Variants in TGFBR3 observed in about 807,000 individuals in gnomAD.
The protein encoded by TGFBR3 is transforming growth factor beta receptor type 3.
In TGFBR3, 46 loss-of-function variants were observed where a neutral mutation model predicts 87.9. The ratio of observed to expected loss-of-function variants is 0.52; its 90% CI spans 0.41 to 0.67. The LOEUF is 0.67. Among genes scored for constraint, TGFBR3 ranks in the 30% least tolerant of loss-of-function variants. The pLI is 0.00. For synonymous variants in TGFBR3, 381 were observed against 391.6 expected (o/e 0.97, Z 0.32); for missense variants, 866 against 1,041.9 (o/e 0.83, Z 2.32).
intron 2 of TGFBR3, among the ~76,000 whole-genome samples, chr1:91,838,009 G>A (rs1052614915): frequency 6.6e-6 from 1 of 152,098 alleles, no homozygotes; most frequent in Non-Finnish European, 1.5e-5. Flanking sequence ...TGTAGTTTGG[G>A]GTTTAAAGAA....
intron 4 of TGFBR3, among the ~76,000 whole-genome samples, chr1:91,747,574 A>T (rs1189484828): frequency 6.6e-6 from 1 of 152,234 alleles, no homozygotes; most frequent in Non-Finnish European, 1.5e-5. Flanking sequence ...AAACAACAAC[A>T]AATTGCTCAA....
At chr1:91,775,476 A>G (rs284202) in intron 3 of TGFBR3, among the ~76,000 whole-genome samples, 66,156 of 152,060 alleles carry the variant, frequency 0.44, 15,802 homozygotes, top group African/African-American at 0.64. Context: ...CCTTTTCACC[A>G]TTCAGGTCTC....
At chr1:91,803,022 A>G (rs1285481802) in intron 2 of TGFBR3, among the ~76,000 whole-genome samples, 4 of 152,206 alleles carry the variant, frequency 2.6e-5, no homozygotes, top group Non-Finnish European at 5.9e-5. Context: ...TCTATAGAGC[A>G]GCCAAACTGA....
intron 3 of TGFBR3, among the ~76,000 whole-genome samples, chr1:91,761,173 T>C (rs1184325161): frequency 6.6e-6 from 1 of 152,230 alleles, no homozygotes; most frequent in Non-Finnish European, 1.5e-5. Flanking sequence ...AAATATATAC[T>C]ACAAAATACT....
At chr1:91,801,715 G>A (rs10874976) in intron 2 of TGFBR3, among the ~76,000 whole-genome samples, 42,260 of 151,926 alleles carry the variant, frequency 0.28, 6,686 homozygotes, top group African/African-American at 0.44. Flanking sequence ...AAGAAAAGTT[G>A]GGAGAGGGAG....
intron 14 of TGFBR3, among the ~76,000 whole-genome samples, chr1:91,702,387 C>G (rs1007198828): frequency 1.3e-5 from 2 of 152,164 alleles, no homozygotes; most frequent in Admixed American, 6.5e-5. Flanking sequence ...TGGCTCACAC[C>G]TGTAATCCCA....
At chr1:91,805,775 T>C (rs968634316) in intron 2 of TGFBR3, among the ~76,000 whole-genome samples, 10 of 152,246 alleles carry the variant, frequency 6.6e-5, no homozygotes, top group Non-Finnish European at 1.5e-4. Flanking sequence ...ATCTTGTACA[T>C]GTTTCTGATT....
chr1:91,786,481 T>A (rs954627408), intron 3 of TGFBR3, among the ~76,000 whole-genome samples: 30 of 152,302 alleles, frequency 2.0e-4, no homozygotes, highest in African/African-American at 7.2e-4. Flanking sequence ...CCAGGTGTGG[T>A]GGCTCACACC....
At chr1:91,816,178 T>C (rs1267183931) in intron 2 of TGFBR3, among the ~76,000 whole-genome samples, 3 of 151,618 alleles carry the variant, frequency 2.0e-5, no homozygotes, top group East Asian at 1.9e-4. Context: ...GAGGAAAAAA[T>C]AGATCAACAA....
In TGFBR3 at chr1:91,735,139, A is replaced by C. The variant is rs375764773; in HGVS notation, c.385-180T>G. ...ATAATCCCAAGCCTAGTCCTCCCAG[A>C]CAAAGGCAAAACTACCAATGCAGGA... On this transcript the variant is annotated intron_variant, in intron 4 of 16. Transcript: ENST00000212355. Among the ~76,000 whole-genome samples, 10 of 152,358 alleles carry C rather than the reference A, an allele frequency of 6.6e-5. No homozygotes were observed. The East Asian group carries it at 1.5e-3, about 23-fold the overall frequency.
At chr1:91,889,433 G>C (rs1679400656), upstream of TGFBR3, among the ~76,000 whole-genome samples, 1 of 151,926 alleles carries the variant, frequency 6.6e-6, no homozygotes, top group Admixed American at 6.6e-5. Flanking sequence ...AAATAAAAGG[G>C]CTCTTTTTTT....
chr1:91,860,035 T>C (rs1487510782), intron 2 of TGFBR3, among the ~76,000 whole-genome samples: 1 of 152,190 alleles, frequency 6.6e-6, no homozygotes, highest in East Asian at 1.9e-4. Flanking sequence ...CTGAGTCTAT[T>C]GGAGTCTTAA....
chr1:91,888,590 T>C (rs2101324822), upstream of TGFBR3, among the ~76,000 whole-genome samples: 1 of 152,164 alleles, frequency 6.6e-6, no homozygotes, highest in Non-Finnish European at 1.5e-5. Flanking sequence ...TAATCCCAGC[T>C]ACTTGGGAGG....
chr1:91,905,502 G>A (rs1292130055), intron 1 of TGFBR3, among the ~76,000 whole-genome samples: 2 of 152,082 alleles, frequency 1.3e-5, no homozygotes, highest in Admixed American at 1.3e-4. Flanking sequence ...GCACGACCTC[G>A]GCTCACTGCA....
In TGFBR3 at chr1:91,694,284, A is replaced by C. The variant is rs3767583; in HGVS notation, c.2437+1388T>G. Among the ~76,000 whole-genome samples, 406 of 152,310 alleles carry C rather than the reference A, an allele frequency of 2.7e-3. 13 individuals are homozygous for C. In the East Asian group the frequency reaches 0.068, roughly 25 times the overall value. On this transcript the variant is annotated intron_variant, in intron 16 of 16. Coordinates refer to ENST00000212355, the MANE Select transcript of TGFBR3 (RefSeq NM_003243.5). The stretch of plus-strand genomic sequence containing the variant: ...CTAGGATTATGAGAAGTCATTTTTT[A>C]ATCTTTCACGTAAACATACTTTACT...
intron 2 of TGFBR3, among the ~76,000 whole-genome samples, chr1:91,854,015 T>G (rs1423223971): frequency 1.3e-5 from 2 of 150,842 alleles, no homozygotes; most frequent in Non-Finnish European, 3.0e-5. Context: ...TCCCACCCCC[T>G]CCCAGAAAAA....
chr1:91,902,221 A>G (rs1432840714), intron 1 of TGFBR3, among the ~76,000 whole-genome samples: 1 of 151,740 alleles, frequency 6.6e-6, no homozygotes, highest in Non-Finnish European at 1.5e-5. Context: ...TCACTCCTCC[A>G]TTAGAGAACA....
intron 16 of TGFBR3, among the ~76,000 whole-genome samples, chr1:91,687,924 A>G (rs1215149161): frequency 1.3e-5 from 2 of 152,218 alleles, no homozygotes; most frequent in Non-Finnish European, 2.9e-5. Flanking sequence ...TACGTGTTGG[A>G]TGCGATTTTC....
upstream of TGFBR3, among the ~76,000 whole-genome samples, chr1:91,887,047 G>A (rs1255891071): frequency 1.3e-5 from 2 of 151,998 alleles, no homozygotes; most frequent in African/African-American, 4.8e-5. Flanking sequence ...TTAAGTAACA[G>A]GACATTGTTT....
Sources: gnomAD v4.1 joint callset for allele counts (sites outside exome capture counted in the v4.1 genomes callset) on GRCh38, gnomAD v4.1.1 for gene constraint, MANE v1.5 for transcripts, NCBI Gene and HGNC (gene_info 2026-07-23, HGNC 2026-07-21) for gene names.